The following CHAF1B variants were observed in gnomAD, a reference collection of about 807,000 sequenced individuals.
CHAF1B encodes CAF-1 subunit B.
Under a neutral mutation model 60.7 loss-of-function variants are expected in CHAF1B, and 10 were observed. The observed-to-expected ratio is 0.16, with a 90% CI of 0.10 to 0.28. The LOEUF is 0.28. Among genes scored for constraint, CHAF1B ranks in the 10% least tolerant of loss-of-function variants. The pLI is 1.00. For missense variants in CHAF1B, 558 were observed against 708.4 expected (o/e 0.79, Z 2.41); for synonymous variants, 261 against 266.1 (o/e 0.98, Z 0.19).
chr21:36,387,791 G>A, intron 3 of CHAF1B, 61 bp downstream of exon 3: 2 of 1,516,980 alleles, frequency 1.3e-6, no homozygotes, highest in South Asian at 1.1e-5. Flanking sequence ...TGTGTCTTGT[G>A]TCAGATAGTG....
intron 8 of CHAF1B, among the ~76,000 whole-genome samples, chr21:36,406,431 G>A (rs1461249430): frequency 4.6e-5 from 7 of 152,082 alleles, no homozygotes; most frequent in African/African-American, 1.2e-4. Flanking sequence ...GATTACAGGC[G>A]CCGGCCACCA....
At chr21:36,386,801 T>C (rs138222670) in intron 2 of CHAF1B, among the ~76,000 whole-genome samples, 4,649 of 151,690 alleles carry the variant, frequency 0.031, 100 homozygotes, top group Admixed American at 0.046. Flanking sequence ...GCAACCTCTG[T>C]CTCCCAGGTT....
intron 4 of CHAF1B, among the ~76,000 whole-genome samples, chr21:36,392,102 T>C (rs2146362035): frequency 6.6e-6 from 1 of 151,840 alleles, no homozygotes; most frequent in East Asian, 1.9e-4. Context: ...CCCTGGGTAC[T>C]TGAGATTAGG....
At position 36,397,135 on chromosome 21, in the gene CHAF1B, C is replaced by T. The variant is rs115785460; in HGVS notation, c.482-280C>T. On this transcript the variant is annotated intron_variant, in intron 5 of 13. Transcript: ENST00000314103. ...TGAACTTAGATCTTCTCAGACCCTC[C>T]GCCCTGTGCTGTCAGCTCCCCTCCC... is the stretch of plus-strand genomic sequence containing the variant. 3.3e-3 allele frequency among the ~76,000 whole-genome samples: 509 copies of T among 152,230 alleles called. 2 individuals are homozygous for T. The highest frequency in any genetic ancestry group is 0.012 in the African/African-American group (491 of 41,524).
chr21:36,386,278 G>C lies in CHAF1B; in HGVS notation c.126+16G>C. On this transcript the variant is annotated intron_variant, in intron 2 of 13. Coordinates refer to ENST00000314103, the MANE Select transcript of CHAF1B (RefSeq NM_005441.3). ...CAATGTCAGGGTAAACTGGGGCAGAGATAGACATCCGGGAACACTGCTTGA... is the reference window on the plus strand; with the variant it reads ...CAATGTCAGGGTAAACTGGGGCAGACATAGACATCCGGGAACACTGCTTGA... 6.2e-7 allele frequency: 1 copy of C among 1,613,010 alleles called. No individual in the cohort carries two copies. The highest frequency in any genetic ancestry group is 8.5e-7 in the Non-Finnish European group (1 of 1,179,580).
chr21:36,387,534 T>C (rs1039034427), intron 2 of CHAF1B, 64 bp from the exon 3 acceptor site: 1 of 1,594,750 alleles, frequency 6.3e-7, no homozygotes, highest in Non-Finnish European at 8.6e-7. Context: ...AGTATTGTTT[T>C]AATACAGACA....
intron 12 of CHAF1B, among the ~76,000 whole-genome samples, chr21:36,414,638 G>T (rs905433827): frequency 4.6e-5 from 7 of 152,086 alleles, no homozygotes; most frequent in Non-Finnish European, 8.8e-5. Flanking sequence ...TTGAGACAGG[G>T]TCTTGCTCTG....
intron 3 of CHAF1B, among the ~76,000 whole-genome samples, chr21:36,389,759 A>ATATGTGTGTGTG (rs1491586590): frequency 3.1e-4 from 39 of 125,892 alleles, no homozygotes; most frequent in African/African-American, 5.6e-4. Context: ...GCATGAAGGG[A>ATATGTGTGTGTG]TGTGTGTGTG....
intron 7 of CHAF1B, among the ~76,000 whole-genome samples, chr21:36,401,347 TATATA>T (rs1250567425): frequency 9.1e-5 from 13 of 142,508 alleles, no homozygotes; most frequent in Admixed American, 2.2e-4. Flanking sequence ...ATTTATATTA[TATATA>T]ATATATTTTT....
At chr21:36,405,957 TA>T (rs150742914) in intron 8 of CHAF1B, among the ~76,000 whole-genome samples, 12 of 148,114 alleles carry the variant, frequency 8.1e-5, no homozygotes, top group Non-Finnish European at 1.0e-4. Context: ...AAAGAAGTAT[TA>T]AAAAAAAAAC....
At chr21:36,400,833 C>T (rs181482341) in intron 7 of CHAF1B, among the ~76,000 whole-genome samples, 12 of 152,224 alleles carry the variant, frequency 7.9e-5, no homozygotes, top group East Asian at 7.7e-4. Flanking sequence ...TCAAGGCTAC[C>T]GAGGCAGGCA....
At chr21:36,411,668 C>T in intron 11 of CHAF1B, 64 bp downstream of exon 11, 3 of 1,579,092 alleles carry the variant, frequency 1.9e-6, no homozygotes, top group East Asian at 2.3e-5. Context: ...GGAAGACACC[C>T]CGGGGTTAGG....
chr21:36,391,831 C>T (rs553716248), intron 4 of CHAF1B, among the ~76,000 whole-genome samples, 163 bp downstream of exon 4: 210 of 151,166 alleles, frequency 1.4e-3, no homozygotes, highest in African/African-American at 4.5e-3. Flanking sequence ...CTTGACTTCC[C>T]GGGCTCAAGT....
At position 36,409,788 on chromosome 21, in the gene CHAF1B, G is replaced by A. The variant is rs755764232; in HGVS notation, c.919+323G>A. Among the ~76,000 whole-genome samples the A allele has an allele frequency of 1.3e-3, 195 of 150,972 alleles. 3 individuals are homozygous for A. Among genetic ancestry groups the A allele is most frequent in the Admixed American group, 0.011 (173 of 15,128 alleles). On this transcript the variant is annotated intron_variant, in intron 10 of 13. Transcript: ENST00000314103. Reference sequence around the variant, plus strand: ...GCTGGGATTACAGGTGTGAGCCCCTGTGCCCGGCCTGGTTTAGTTATTTTT... The same window carrying A: ...GCTGGGATTACAGGTGTGAGCCCCTATGCCCGGCCTGGTTTAGTTATTTTT...
chr21:36,413,236 A>C lies in CHAF1B; in HGVS notation c.1414A>C (p.Ser472Arg). ...TTCGGAGGAGAAGACCCTGCAGCCC[A>C]GTAGTCAAAACACAAAAGCCCACCC... is the stretch of plus-strand genomic sequence containing the variant. ...GPSEEKTLQP[S>R]SQNTKAHPSR... is the part of the protein sequence containing the mutation. Residue 472 changes from serine (S) to arginine (R), a missense_variant, in exon 12 of 14, where the codon AGT becomes CGT. Ser to Arg is a moderately radical substitution (Grantham distance 110, BLOSUM62 -1). Coordinates refer to ENST00000314103, the MANE Select transcript of CHAF1B (RefSeq NM_005441.3). 1 of 1,611,876 alleles carries C rather than the reference A, an allele frequency of 6.2e-7. No individual in the cohort carries two copies. The highest frequency in any genetic ancestry group is 8.5e-7 in the Non-Finnish European group (1 of 1,178,102).
chr21:36,414,795 TAGAG>T (rs2086304915), intron 12 of CHAF1B, among the ~76,000 whole-genome samples: 1 of 152,088 alleles, frequency 6.6e-6, no homozygotes, highest in Non-Finnish European at 1.5e-5. Flanking sequence ...GCATTTTTAG[TAGAG>T]ACGAGGTTTT....
At chr21:36,406,886 C>T (rs1336110232) in intron 8 of CHAF1B, among the ~76,000 whole-genome samples, 1 of 152,100 alleles carries the variant, frequency 6.6e-6, no homozygotes, top group East Asian at 1.9e-4. Context: ...AAATTGGACC[C>T]CTTGCCTAGA....
intron 4 of CHAF1B, among the ~76,000 whole-genome samples, chr21:36,393,469 T>TA (rs1212344982): frequency 6.9e-6 from 1 of 143,994 alleles, no homozygotes; most frequent in Admixed American, 7.1e-5. Flanking sequence ...TTTTTTTTTT[T>TA]AGATGGAGTT....
chr21:36,395,951 A>G (rs2086133778), intron 5 of CHAF1B, among the ~76,000 whole-genome samples: 1 of 151,266 alleles, frequency 6.6e-6, no homozygotes, highest in Admixed American at 6.6e-5. Flanking sequence ...TTTTAGTACC[A>G]TGCTGTCCAG....
Sources: allele counts gnomAD v4.1 joint callset (sites outside exome capture counted in the v4.1 genomes callset), GRCh38; gene constraint gnomAD v4.1.1; transcripts MANE v1.5; gene names NCBI Gene and HGNC (gene_info 2026-07-23, HGNC 2026-07-21).